CACHD1: variants seen among roughly 807,000 people sequenced by gnomAD.
The protein encoded by CACHD1 is VWFA and cache domain-containing protein 1.
Under a neutral mutation model 138.7 loss-of-function variants are expected in CACHD1, and 71 were observed. The ratio of observed to expected loss-of-function variants is 0.51; its 90% CI spans 0.42 to 0.62. CACHD1 has a LOEUF of 0.62. Among genes scored for constraint, CACHD1 ranks in the 20% least tolerant of loss-of-function variants. CACHD1 has a pLI of 0.00. For synonymous variants in CACHD1, 578 were observed against 591.5 expected (o/e 0.98, Z 0.33); for missense variants, 1,389 against 1,625.3 (o/e 0.85, Z 2.50).
At chr1:64,642,161 C>CT (rs754335052) in intron 8 of CACHD1, among the ~76,000 whole-genome samples, 192 bp downstream of exon 8, 3 of 152,218 alleles carry the variant, frequency 2.0e-5, no homozygotes, top group African/African-American at 7.2e-5. Context: ...TCATCTGTCT[C>CT]TCCAGTGAAC....
At chr1:64,521,824 C>A (rs1212316441) in intron 1 of CACHD1, among the ~76,000 whole-genome samples, 1 of 152,070 alleles carries the variant, frequency 6.6e-6, no homozygotes, top group Non-Finnish European at 1.5e-5. Flanking sequence ...TTTAAATTAT[C>A]TTTTTATTGA....
At chr1:64,481,077 T>G (rs144403336) in intron 1 of CACHD1, among the ~76,000 whole-genome samples, 29 of 152,306 alleles carry the variant, frequency 1.9e-4, no homozygotes, top group African/African-American at 7.0e-4. Context: ...TAATTACAGT[T>G]TGAAAAGTTC....
At chr1:64,663,271 C>T (rs1001340511) in intron 13 of CACHD1, among the ~76,000 whole-genome samples, 3 of 145,510 alleles carry the variant, frequency 2.1e-5, no homozygotes, top group African/African-American at 7.6e-5. Flanking sequence ...ATTAAGCCGC[C>T]GCCGGGCGCA....
In CACHD1 at chr1:64,574,262, T is replaced by C. The variant is rs1366003543; in HGVS notation, c.262-7894T>C. Among the ~76,000 whole-genome samples, 8 of 152,286 alleles carry C rather than the reference T, an allele frequency of 5.3e-5. No homozygotes were observed. The East Asian group carries it at 5.8e-4, about 11-fold the overall frequency. On this transcript the variant is annotated intron_variant, in intron 2 of 26. Coordinates refer to ENST00000651257, the MANE Select transcript of CACHD1 (RefSeq NM_020925.4). ...CACTGAGCCTCGATTTCCTTGATTG[T>C]AAAACTGGGACAGAGAGAATATCTG...
At chr1:64,623,145 T>C (rs1647975501) in intron 4 of CACHD1, among the ~76,000 whole-genome samples, 1 of 152,204 alleles carries the variant, frequency 6.6e-6, no homozygotes, top group Non-Finnish European at 1.5e-5. Flanking sequence ...CTCATGCCTG[T>C]AATCCCAACA....
intron 4 of CACHD1, among the ~76,000 whole-genome samples, chr1:64,607,156 G>A (rs1455308136): frequency 3.3e-5 from 5 of 152,152 alleles, no homozygotes. Flanking sequence ...AGGGCTCCAG[G>A]GACTGAGTCT....
At chr1:64,553,181 A>G (rs1182788682) in intron 2 of CACHD1, among the ~76,000 whole-genome samples, 2 of 152,238 alleles carry the variant, frequency 1.3e-5, no homozygotes, top group African/African-American at 4.8e-5. Flanking sequence ...ACAACAACAT[A>G]ACAATAAAAG....
At chr1:64,542,988 A>AACACACAC (rs111903627) in intron 1 of CACHD1, among the ~76,000 whole-genome samples, 17 of 147,902 alleles carry the variant, frequency 1.1e-4, no homozygotes, top group African/African-American at 4.2e-4. Context: ...CACACACATC[A>AACACACAC]ACACACACAC....
intron 1 of CACHD1, chr1:64,506,167 T>C (rs1646374989): frequency 6.6e-6 from 1 of 152,266 alleles, no homozygotes; most frequent in Non-Finnish European, 1.5e-5. Context: ...GAACTGCCGA[T>C]GGGCTTCACC....
At chr1:64,580,333 A>G (rs909736543) in intron 2 of CACHD1, among the ~76,000 whole-genome samples, 1 of 152,224 alleles carries the variant, frequency 6.6e-6, no homozygotes, top group East Asian at 1.9e-4. Flanking sequence ...TAATTTACTG[A>G]TTTTTCTCTC....
At chr1:64,579,886 C>T (rs1338622169) in intron 2 of CACHD1, 1 of 150,516 alleles carries the variant, frequency 6.6e-6, no homozygotes. Context: ...TATGTCCTAA[C>T]AGTGCTTGTA....
intron 3 of CACHD1, among the ~76,000 whole-genome samples, chr1:64,590,422 G>A (rs1043677034): frequency 2.0e-5 from 3 of 151,582 alleles, no homozygotes; most frequent in African/African-American, 7.3e-5. Context: ...TAAATTGGTT[G>A]TGTATTTTGT....
intron 8 of CACHD1, among the ~76,000 whole-genome samples, chr1:64,642,642 T>C (rs992479760): frequency 6.6e-6 from 1 of 152,206 alleles, no homozygotes; most frequent in African/African-American, 2.4e-5. Flanking sequence ...AGCACAGTTT[T>C]CTAGCTGTAT....
intron 21 of CACHD1, among the ~76,000 whole-genome samples, chr1:64,676,203 G>A (rs543901644): frequency 6.6e-6 from 1 of 152,082 alleles, no homozygotes; most frequent in East Asian, 1.9e-4. Flanking sequence ...TGCTGTAAAA[G>A]TATTAAGAGT....
intron 26 of CACHD1, among the ~76,000 whole-genome samples, chr1:64,689,721 A>T (rs953108348): frequency 2.0e-5 from 3 of 152,140 alleles, no homozygotes; most frequent in Non-Finnish European, 4.4e-5. Flanking sequence ...AGCCACATGG[A>T]ACAGGGATGG....
intron 1 of CACHD1, among the ~76,000 whole-genome samples, chr1:64,524,115 G>C (rs943322616): frequency 6.6e-6 from 1 of 152,038 alleles, no homozygotes; most frequent in Non-Finnish European, 1.5e-5. Flanking sequence ...CCAACTTCCC[G>C]TAATGGTTAA....
Position 64,582,208 on chromosome 1 carries a change from G to A in CACHD1, c.314G>A (p.Arg105Gln), listed in dbSNP as rs775665276. The A allele has an allele frequency of 2.9e-5, 46 of 1,613,984 alleles. 1 individual carries two copies. In the East Asian group the frequency reaches 4.5e-4, roughly 16 times the overall value. The change falls in exon 3 of 27, where the codon CGG (arginine) becomes CAG (glutamine). Residue 105 changes from arginine to glutamine, a missense_variant. Arg to Gln is a conservative substitution (Grantham distance 43, BLOSUM62 1). Around this residue, in one of 5 missense-constraint regions of CACHD1, gnomAD observed 1,000 missense variants for 1,114.7 expected, o/e 0.90. Transcript: ENST00000651257. ...AACCGTTACTTGGATGTGGTCAATCGGAACAAGCAAGTTGTAGAAGCATCC... is the reference window on the plus strand; with the variant it reads ...AACCGTTACTTGGATGTGGTCAATCAGAACAAGCAAGTTGTAGAAGCATCC... ...KFNRYLDVVN[R>Q]NKQVVEASYT...
chr1:64,673,507 A>C, intron 19 of CACHD1, 43 bp downstream of exon 19: 1 of 1,407,328 alleles, frequency 7.1e-7, no homozygotes, highest in Non-Finnish European at 1.0e-6. Context: ...TTTCCATCCC[A>C]TTATGGAACA....
chr1:64,549,511 C>T (rs542719771), intron 1 of CACHD1, among the ~76,000 whole-genome samples: 2 of 152,294 alleles, frequency 1.3e-5, no homozygotes, highest in South Asian at 4.1e-4. Flanking sequence ...CACCCCCCGA[C>T]CAAACCTCCC....
Sources: allele counts gnomAD v4.1 joint callset (sites outside exome capture counted in the v4.1 genomes callset), GRCh38; gene constraint gnomAD v4.1.1; regional missense constraint gnomAD v4.1.1; transcripts MANE v1.5; gene names NCBI Gene and HGNC (gene_info 2026-07-23, HGNC 2026-07-21).